Variants in PSTK observed in about 807,000 individuals in gnomAD.
PSTK encodes L-seryl-tRNA(Sec) kinase.
PSTK carries 26 observed loss-of-function variants against 38.6 expected under a neutral mutation model. That is an observed-to-expected ratio of 0.67 (90% confidence interval 0.49 to 0.94). PSTK has a LOEUF of 0.94. Among genes scored for constraint, PSTK ranks in the 40% least tolerant of loss-of-function variants. The pLI is 0.00. For missense variants in PSTK, 445 were observed against 436.3 expected (o/e 1.02, Z -0.18); for synonymous variants, 181 against 161.7 (o/e 1.12, Z -0.91).
At position 122,980,886 on chromosome 10, in the gene PSTK, A is replaced by G; in HGVS notation, c.216+191A>G. On this transcript the variant is annotated intron_variant, in intron 1 of 5. Transcript: ENST00000406217. This position sits in a 1 kb window ranked among gnomAD's most constrained non-coding sequence, Gnocchi z 4.3. ...TGCAGAGGGTGAATGCGTTGGCTGT[A>G]GAAAGTGGTTACAAAGCCAACTGTT... 4 of 924,100 alleles carry G rather than the reference A, an allele frequency of 4.3e-6. No homozygotes were observed. The highest frequency in any genetic ancestry group is 5.2e-6 in the Non-Finnish European group (4 of 773,908). The allele number at this position is 924,100 out of a possible 1,614,324, so 57.2% of individuals were successfully genotyped here. A position where few individuals can be genotyped will look rare whatever the true frequency, so the allele number is the denominator to read the frequency against.
chr10:122,988,172 C>T (rs1009099868), intron 5 of PSTK, among the ~76,000 whole-genome samples: 4 of 152,010 alleles, frequency 2.6e-5, no homozygotes, highest in Non-Finnish European at 5.9e-5. Context: ...TAATGGGTAA[C>T]ATTAATAAGT....
rs111660171 is a variant in PSTK, at chr10:122,982,628, C to T, written c.217-105C>T. 5.6e-3 allele frequency: 4,881 copies of T among 878,772 alleles called. 135 individuals carry two copies. The African/African-American group carries it at 0.063, about 11-fold the overall frequency. 54.4% of individuals were successfully genotyped at this position (878,772 alleles called of 1,614,324 possible). A position where few individuals can be genotyped will look rare whatever the true frequency, so the allele number is the denominator to read the frequency against. On this transcript the variant is annotated intron_variant, in intron 1 of 5. Coordinates refer to ENST00000406217, the MANE Select transcript of PSTK (RefSeq NM_001363531.2). Reference sequence around the variant, plus strand: ...TGTGTTAGAGAACTACAGATGGTTCCGTATTGTGAGCTGAAATTTTCATAT... The same window carrying T: ...TGTGTTAGAGAACTACAGATGGTTCTGTATTGTGAGCTGAAATTTTCATAT...
At position 122,980,596 on chromosome 10, in the gene PSTK, C is replaced by T. The variant is rs1320473786; in HGVS notation, c.117C>T (p.Ala39=). 6.2e-7 allele frequency: 1 copy of T among 1,611,966 alleles called. No homozygotes were observed. The highest frequency in any genetic ancestry group is 8.5e-7 in the Non-Finnish European group (1 of 1,179,596). Residue 39 remains alanine, a synonymous_variant, in exon 1 of 6, where the codon GCC becomes GCT. Transcript: ENST00000406217. The surrounding 1 kb of genome is among the most constrained non-coding windows in gnomAD (Gnocchi z 4.3). The part of the protein sequence containing the change: ...AGKSTFARAL[A]HRLQQEQGWA... Reference sequence around the variant, plus strand: ...AATCGACTTTCGCGCGCGCCCTCGCCCACCGGCTGCAGCAGGAGCAGGGTT... The same window carrying T: ...AATCGACTTTCGCGCGCGCCCTCGCTCACCGGCTGCAGCAGGAGCAGGGTT...
intron 3 of PSTK, chr10:122,983,983 A>G (rs1849001369): frequency 6.5e-6 from 1 of 153,398 alleles, no homozygotes; most frequent in African/African-American, 2.4e-5. Flanking sequence ...GAAATGTTCT[A>G]TATTTGCACT....
chr10:122,983,968 C>T (rs537874998), intron 3 of PSTK: 186 of 153,308 alleles, frequency 1.2e-3, no homozygotes, highest in South Asian at 2.5e-3. Flanking sequence ...ACTTCGCTGG[C>T]GATGGAAATG....
At chr10:122,988,536 A>G (rs184677260) in intron 5 of PSTK, among the ~76,000 whole-genome samples, 2 of 152,306 alleles carry the variant, frequency 1.3e-5, no homozygotes, top group East Asian at 3.9e-4. Flanking sequence ...TTGCAGACAT[A>G]TATCTCATAA....
chr10:122,980,612 G>C lies in PSTK; in HGVS notation c.133G>C (p.Glu45Gln). The C allele has an allele frequency of 6.2e-7, 1 of 1,612,254 alleles. No homozygotes were observed. Among genetic ancestry groups the C allele is most frequent in the Non-Finnish European group, 8.5e-7 (1 of 1,179,604 alleles). The change falls in exon 1 of 6, where the codon GAG (glutamate) becomes CAG (glutamine). Residue 45 changes from glutamate (E) to glutamine (Q), a missense_variant. Transcript: ENST00000406217. The surrounding 1 kb of genome is among the most constrained non-coding windows in gnomAD (Gnocchi z 4.3). ...ARALAHRLQQ[E>Q]QGWAIGVVAY... ...CGCCCTCGCCCACCGGCTGCAGCAG[G>C]AGCAGGGTTGGGCCATCGGTGTTGT...
intron 3 of PSTK, chr10:122,985,041 T>C (rs1849016650): frequency 6.6e-6 from 1 of 152,284 alleles, no homozygotes; most frequent in African/African-American, 2.4e-5. Context: ...GAGCTTTAAC[T>C]TGATGAGCTC....
intron 5 of PSTK, among the ~76,000 whole-genome samples, chr10:122,988,986 CA>C (rs2133361796): frequency 6.6e-6 from 1 of 151,970 alleles, no homozygotes. Context: ...ATCCATACAA[CA>C]AAATATTATT....
chr10:122,986,182 C>T (rs896299307), intron 3 of PSTK, 118 bp from the exon 4 acceptor site: 3 of 552,066 alleles, frequency 5.4e-6, no homozygotes, highest in East Asian at 3.5e-5. Flanking sequence ...GATCACGCCG[C>T]TGCACTCCAG....
rs1238696042 is a variant in PSTK, at chr10:122,980,468, T to C, written c.-12T>C. 1.3e-6 allele frequency: 2 copies of C among 1,580,066 alleles called. No homozygotes were observed. The highest frequency in any genetic ancestry group is 1.7e-6 in the Non-Finnish European group (2 of 1,167,156). ...ACGACGCTCCCAGACTCCTCCGGTCTCCCCGGGCAGCATGAAGACCGCCGA... is the reference window on the plus strand; with the variant it reads ...ACGACGCTCCCAGACTCCTCCGGTCCCCCCGGGCAGCATGAAGACCGCCGA... On this transcript the variant is annotated 5_prime_UTR_variant, in exon 1 of 6. Transcript: ENST00000406217. This position sits in a 1 kb window ranked among gnomAD's most constrained non-coding sequence, Gnocchi z 4.3.
intron 3 of PSTK, 67 bp from the exon 4 acceptor site, chr10:122,986,228 CAAAAA>C (rs544540038): frequency 4.5e-4 from 273 of 602,840 alleles, no homozygotes; most frequent in Admixed American, 6.2e-4. Flanking sequence ...GACTCCATCT[CAAAAA>C]AAAAAAAAAA....
Position 122,983,342 on chromosome 10 carries a change from G to A in PSTK, c.579G>A (p.Arg193=), listed in dbSNP as rs45498396. Residue 193 remains arginine, a synonymous_variant, in exon 3 of 6, where the codon AGG becomes AGA. Transcript: ENST00000406217. ...LETCLQRNGQ[R]PQALPPETIH... ...CCTGTTTACAGAGGAATGGCCAGAG[G>A]CCACAGGCACTGCCTCCTGAGACCA... 0.16 allele frequency: 251,108 copies of A among 1,613,630 alleles called. 21,419 individuals are homozygous for A. Among genetic ancestry groups the A allele is most frequent in the Middle Eastern group, 0.18 (1,080 of 6,062 alleles).
At chr10:122,983,251 A>G (rs1196739831) in intron 2 of PSTK, 21 bp from the exon 3 acceptor site, 8 of 1,572,190 alleles carry the variant, frequency 5.1e-6, no homozygotes, top group East Asian at 2.2e-5. Context: ...CAGTAATTCT[A>G]TCATTTTAAA....
At chr10:122,983,249 C>G in intron 2 of PSTK, 23 bp from the exon 3 acceptor site, 5 of 1,566,840 alleles carry the variant, frequency 3.2e-6, no homozygotes, top group Non-Finnish European at 4.3e-6. Flanking sequence ...ACCAGTAATT[C>G]TATCATTTTA....
rs1849115868 is a variant in PSTK, at chr10:122,990,328, T to C, written c.1032T>C (p.Tyr344=). Residue 344 remains tyrosine (Y), a synonymous_variant, in exon 6 of 6, where the codon TAT becomes TAC. Coordinates refer to ENST00000406217, the MANE Select transcript of PSTK (RefSeq NM_001363531.2). ...CAGATGTCATTTCTTTTTTTCATTA[T>C]GAGAAAGATAATATTGTACAGAAGT... The part of the protein sequence containing the change: ...DIPDVISFFH[Y]EKDNIVQKYF... The C allele has an allele frequency of 4.0e-6, 6 of 1,515,224 alleles. No homozygotes were observed. Among genetic ancestry groups the C allele is most frequent in the African/African-American group, 1.4e-5 (1 of 70,982 alleles). The allele number at this position is 1,515,224 out of a possible 1,614,324, so 93.9% of individuals were successfully genotyped here. A position where few individuals can be genotyped will look rare whatever the true frequency, so the allele number is the denominator to read the frequency against.
intron 1 of PSTK, among the ~76,000 whole-genome samples, chr10:122,981,725 C>T (rs977195509): frequency 4.6e-5 from 7 of 152,178 alleles, no homozygotes; most frequent in African/African-American, 1.7e-4. Context: ...GTCAGGATAG[C>T]GCAGGATTGA....
chr10:122,982,189 C>T (rs1407300113), intron 1 of PSTK: 1 of 152,392 alleles, frequency 6.6e-6, no homozygotes, highest in Non-Finnish European at 1.5e-5. Context: ...GACTTTTCAC[C>T]TGATCTTTTT....
chr10:122,987,881 C>A (rs1276928234), intron 5 of PSTK, among the ~76,000 whole-genome samples: 1 of 152,190 alleles, frequency 6.6e-6, no homozygotes, highest in Non-Finnish European at 1.5e-5. Flanking sequence ...AGAATTACAT[C>A]CAGTTCCAGT....
Sources: allele counts gnomAD v4.1 joint callset (sites outside exome capture counted in the v4.1 genomes callset), GRCh38; gene constraint gnomAD v4.1.1; non-coding constraint Gnocchi (gnomAD v3.1); transcripts MANE v1.5; gene names NCBI Gene and HGNC (gene_info 2026-07-23, HGNC 2026-07-21).